The following SLC4A5 variants were observed in gnomAD, a reference collection of about 807,000 sequenced individuals.
SLC4A5 encodes electrogenic sodium bicarbonate cotransporter 4.
In SLC4A5, 96 loss-of-function variants were observed where a neutral mutation model predicts 120.4. That is an observed-to-expected ratio of 0.80 (90% CI 0.68 to 0.94). The LOEUF is 0.94. Among genes scored for constraint, SLC4A5 ranks in the 40% least tolerant of loss-of-function variants. The pLI is 0.00. For missense variants in SLC4A5, 1,259 were observed against 1,459.5 expected (o/e 0.86, Z 2.24); for synonymous variants, 550 against 571.1 (o/e 0.96, Z 0.53).
At chr2:74,259,191 G>A (rs566418285) in intron 12 of SLC4A5, among the ~76,000 whole-genome samples, 26 of 152,246 alleles carry the variant, frequency 1.7e-4, no homozygotes, top group African/African-American at 6.0e-4. Context: ...CACTGTTCTC[G>A]CCACAGGGAG....
intron 22 of SLC4A5, 85 bp downstream of exon 22, chr2:74,235,016 G>T: frequency 9.3e-7 from 1 of 1,070,422 alleles, no homozygotes. Flanking sequence ...AAGAGGAGAA[G>T]AGAGTTTGAT....
Position 74,241,975 on chromosome 2 carries a change from A to G in SLC4A5, c.2118+19T>C, listed in dbSNP as rs571004260. 5.6e-6 allele frequency: 9 copies of G among 1,597,680 alleles called. No homozygotes were observed. Among genetic ancestry groups the G allele is most frequent in the African/African-American group, 1.3e-5 (1 of 74,560 alleles). On this transcript the variant is annotated intron_variant, in intron 20 of 30. Coordinates refer to ENST00000394019, the Ensembl canonical transcript of SLC4A5. ...AAACAAAAGCACTCAAATGTCTAACATAAGAGGAAAGGACTTACCAGAGAA... is the reference window on the plus strand; with the variant it reads ...AAACAAAAGCACTCAAATGTCTAACGTAAGAGGAAAGGACTTACCAGAGAA...
intron 5 of SLC4A5, among the ~76,000 whole-genome samples, chr2:74,326,785 C>A (rs1673226728): frequency 1.3e-5 from 2 of 152,092 alleles, no homozygotes; most frequent in African/African-American, 4.8e-5. Context: ...CACCACTGCA[C>A]TCAAAAACAA....
chr2:74,293,646 C>T (rs546398266), intron 7 of SLC4A5, among the ~76,000 whole-genome samples: 3 of 152,318 alleles, frequency 2.0e-5, no homozygotes, highest in East Asian at 3.9e-4. Flanking sequence ...GAAGGCACTG[C>T]GCTCACCCAC....
intron 8 of SLC4A5, among the ~76,000 whole-genome samples, chr2:74,280,551 T>C (rs1168984142): frequency 6.6e-6 from 1 of 152,140 alleles, no homozygotes; most frequent in Non-Finnish European, 1.5e-5. Context: ...AGCATCCTAC[T>C]CTCCTTCAAA....
At chr2:74,335,277 A>G (rs1285448189) in intron 3 of SLC4A5, among the ~76,000 whole-genome samples, 1 of 152,204 alleles carries the variant, frequency 6.6e-6, no homozygotes, top group Non-Finnish European at 1.5e-5. Context: ...CCACGGAGGC[A>G]TCTTGGGCCT....
At position 74,323,935 on chromosome 2, in the gene SLC4A5, A is replaced by C. The variant is rs115753019; in HGVS notation, c.-3+4185T>G. Among the ~76,000 whole-genome samples the C allele has an allele frequency of 6.8e-3, 1,038 of 152,330 alleles. 8 individuals carry two copies. Among genetic ancestry groups the C allele is most frequent in the South Asian group, 0.011 (53 of 4,824 alleles). ...GGTAGCCAGGAGAAAAAGCTAAAAG[A>C]ATTCCTAGTGGTTATCTTTGGGAAG... is the stretch of plus-strand genomic sequence containing the variant. On this transcript the variant is annotated intron_variant, in intron 5 of 30. Transcript: ENST00000394019.
At chr2:74,233,819 T>C (rs908972977) in intron 22 of SLC4A5, among the ~76,000 whole-genome samples, 1 of 152,060 alleles carries the variant, frequency 6.6e-6, no homozygotes, top group Non-Finnish European at 1.5e-5. Flanking sequence ...TCAGGAAACA[T>C]GGAGGTGAAG....
chr2:74,341,049 A>T (rs944232569), intron 2 of SLC4A5, among the ~76,000 whole-genome samples: 2 of 152,206 alleles, frequency 1.3e-5, no homozygotes, highest in Non-Finnish European at 2.9e-5. Flanking sequence ...TCACGCCTGT[A>T]ATCTCAACAC....
intron 6 of SLC4A5, among the ~76,000 whole-genome samples, chr2:74,306,096 G>A (rs61581499): frequency 3.1e-4 from 47 of 152,284 alleles, no homozygotes; most frequent in Middle Eastern, 6.8e-3. Context: ...AATTGACAGA[G>A]CAGGAGCATT....
intron 7 of SLC4A5, among the ~76,000 whole-genome samples, chr2:74,303,823 A>G (rs894159127): frequency 1.3e-5 from 2 of 151,770 alleles, no homozygotes; most frequent in African/African-American, 4.9e-5. Context: ...ACAATGCCTC[A>G]TACAAAACAA....
At chr2:74,218,211 G>C (rs1182690445) in exon 31 of SLC4A5, 1 of 152,012 alleles carries the variant, frequency 6.6e-6, no homozygotes, top group African/African-American at 2.4e-5. Context: ...TTCCAAAGAT[G>C]GTCTAGTGAC....
rs572058571 is a variant in SLC4A5 at position 74,283,375 on chromosome 2, A to C, written c.401+2398T>G. Reference sequence around the variant, plus strand: ...CAAGCCGTGAATCGATCAGCACCGTAAGTGTTCAAAGAACGGCATCATAGG... The same window carrying C: ...CAAGCCGTGAATCGATCAGCACCGTCAGTGTTCAAAGAACGGCATCATAGG... On this transcript the variant is annotated intron_variant, in intron 8 of 30. Transcript: ENST00000394019. 3.9e-4 allele frequency among the ~76,000 whole-genome samples: 59 copies of C among 152,334 alleles called. 1 individual carries two copies. The highest frequency in any genetic ancestry group is 1.4e-3 in the African/African-American group (57 of 41,566).
chr2:74,225,164 TCCA>T (rs1694799745), intron 27 of SLC4A5, among the ~76,000 whole-genome samples, 169 bp from the exon 28 acceptor site: 1 of 152,128 alleles, frequency 6.6e-6, no homozygotes, highest in Admixed American at 6.5e-5. Flanking sequence ...TCACTTTCCC[TCCA>T]CCGTAGTTCC....
intron 28 of SLC4A5, among the ~76,000 whole-genome samples, chr2:74,223,367 G>C (rs1216633835): frequency 1.3e-5 from 2 of 152,134 alleles, no homozygotes; most frequent in African/African-American, 2.4e-5. Flanking sequence ...CCACCATTCT[G>C]TTCACCTCTA....
At chr2:74,233,319 A>C in intron 23 of SLC4A5, 83 bp downstream of exon 23, 1 of 1,519,704 alleles carries the variant, frequency 6.6e-7, no homozygotes. Flanking sequence ...AAAGTACTGA[A>C]AGAAGCATCA....
chr2:74,337,626 C>A (rs544603978), intron 3 of SLC4A5, among the ~76,000 whole-genome samples: 33 of 152,262 alleles, frequency 2.2e-4, no homozygotes, highest in South Asian at 1.7e-3. Flanking sequence ...TTAAAAAATC[C>A]ATTTAGAAGA....
intron 6 of SLC4A5, chr2:74,307,213 T>C (rs1384241326): frequency 1.9e-6 from 1 of 536,858 alleles, no homozygotes; most frequent in Non-Finnish European, 3.4e-6. Flanking sequence ...GAGCAGTACT[T>C]GTCTGGCTCC....
chr2:74,320,910 G>C (rs1001890307), intron 5 of SLC4A5, among the ~76,000 whole-genome samples: 1 of 152,172 alleles, frequency 6.6e-6, no homozygotes, highest in Non-Finnish European at 1.5e-5. Context: ...GAAAGGAAAA[G>C]TAATCATGGT....
Sources: allele counts gnomAD v4.1 joint callset (sites outside exome capture counted in the v4.1 genomes callset), GRCh38; gene constraint gnomAD v4.1.1; transcripts MANE v1.5; gene names NCBI Gene and HGNC (gene_info 2026-07-23, HGNC 2026-07-21).